Variants in LARGE1 observed in about 807,000 individuals in gnomAD.
LARGE1 encodes the protein xylosyl- and glucuronyltransferase LARGE1.
Under a neutral mutation model 87.6 loss-of-function variants are expected in LARGE1, and 43 were observed. The observed-to-expected ratio is 0.49, with a 90% CI of 0.38 to 0.63. LARGE1 has a LOEUF of 0.63. Among genes scored for constraint, LARGE1 ranks in the 30% least tolerant of loss-of-function variants. LARGE1 has a pLI of 0.00. For missense variants in LARGE1, 802 were observed against 1,000.2 expected (o/e 0.80, Z 2.67); for synonymous variants, 434 against 394.6 (o/e 1.10, Z -1.18).
the LARGE1 span, among the ~76,000 whole-genome samples, chr22:33,082,335 C>T: frequency 1.1e-4 from 17 of 152,208 alleles, no homozygotes; most frequent in African/African-American, 4.1e-4. Flanking sequence ...CAAGACCCTT[C>T]CGGTTGTTTA....
downstream of LARGE1, among the ~76,000 whole-genome samples, chr22:33,269,489 T>C (rs1315675857): frequency 6.6e-6 from 1 of 152,178 alleles, no homozygotes; most frequent in Non-Finnish European, 1.5e-5. Context: ...AAAAAAATGA[T>C]AAAAAGTGCA....
intron 4 of LARGE1, among the ~76,000 whole-genome samples, chr22:33,616,909 A>T (rs1375202190): frequency 6.6e-6 from 1 of 152,228 alleles, no homozygotes; most frequent in Non-Finnish European, 1.5e-5. Flanking sequence ...CAATTCTGTG[A>T]ATTTACTAAA....
chr22:33,599,101 T>C (rs143822074), intron 5 of LARGE1, among the ~76,000 whole-genome samples: 96 of 152,126 alleles, frequency 6.3e-4, no homozygotes, highest in African/African-American at 2.2e-3. Flanking sequence ...CTGTGGTCCA[T>C]ATCTTTCAAA....
At chr22:33,479,200 G>T (rs535215486) in intron 6 of LARGE1, among the ~76,000 whole-genome samples, 1 of 152,312 alleles carries the variant, frequency 6.6e-6, no homozygotes, top group Admixed American at 6.5e-5. Context: ...TATGCCTGAT[G>T]TTGCATTTAC....
At position 33,273,360 on chromosome 22, in the gene LARGE1, C is replaced by G; in HGVS notation, c.*1067G>C. 2.5e-6 allele frequency: 1 copy of G among 398,868 alleles called. No homozygotes were observed. The highest frequency in any genetic ancestry group is 4.4e-6 in the Non-Finnish European group (1 of 226,078). 24.7% of individuals were successfully genotyped at this position (398,868 alleles called of 1,614,324 possible). A position where few individuals can be genotyped will look rare whatever the true frequency, so the allele number is the denominator to read the frequency against. Reference sequence around the variant, plus strand: ...TGAAGCAGGCAAGAACCAGAGGAACCCAATCACTTTCTTCCTGTAGGTCTC... The same window carrying G: ...TGAAGCAGGCAAGAACCAGAGGAACGCAATCACTTTCTTCCTGTAGGTCTC... On this transcript the variant is annotated 3_prime_UTR_variant, in exon 15 of 15. Coordinates refer to ENST00000397394, the MANE Select transcript of LARGE1 (RefSeq NM_133642.5).
intron 11 of LARGE1, among the ~76,000 whole-genome samples, chr22:33,192,099 C>A (rs902502602): frequency 1.3e-5 from 2 of 152,158 alleles, no homozygotes; most frequent in African/African-American, 2.4e-5. Flanking sequence ...TTTAAGAAAA[C>A]TACCTTAAAA....
chr22:33,520,291 G>C (rs2071519463), intron 6 of LARGE1, among the ~76,000 whole-genome samples: 1 of 152,022 alleles, frequency 6.6e-6, no homozygotes, highest in Admixed American at 6.6e-5. Flanking sequence ...GCCCAGGCTG[G>C]TTTTGAAACC....
intron 11 of LARGE1, among the ~76,000 whole-genome samples, chr22:33,310,280 C>T (rs1387901667): frequency 6.6e-6 from 1 of 152,202 alleles, no homozygotes; most frequent in Non-Finnish European, 1.5e-5. Flanking sequence ...GAGAAGTGAC[C>T]TGTCATCCCC....
At chr22:33,746,047 G>C (rs1185175804) in intron 2 of LARGE1, among the ~76,000 whole-genome samples, 1 of 152,184 alleles carries the variant, frequency 6.6e-6, no homozygotes, top group Non-Finnish European at 1.5e-5. Flanking sequence ...AAACTTCTCT[G>C]TGCCTCTGTT....
rs907711223 is a variant in LARGE1 at position 33,630,859 on chromosome 22, T to C, written c.409-4533A>G. On this transcript the variant is annotated intron_variant, in intron 3 of 14. Transcript: ENST00000397394. ...ATTTAAAATTTTTTTTAACTATCTC[T>C]TTTTTTTTTTTGAGACGGAGTCTCA... Among the ~76,000 whole-genome samples the C allele has an allele frequency of 1.3e-3, 153 of 119,252 alleles. 1 individual carries two copies. The highest frequency in any genetic ancestry group is 1.9e-3 in the Non-Finnish European group (126 of 65,528). The allele number at this position is 119,252 out of a possible 152,430, so 78.2% of individuals were successfully genotyped here.
chr22:33,649,269 ACACTGGATAGTCT>A (rs2080717720), intron 3 of LARGE1, among the ~76,000 whole-genome samples: 1 of 152,196 alleles, frequency 6.6e-6, no homozygotes, highest in South Asian at 2.1e-4. Flanking sequence ...TTTGTTAGTG[ACACTGGATAGTCT>A]CATTGGATAG....
chr22:33,573,707 T>G (rs532428180), intron 5 of LARGE1, among the ~76,000 whole-genome samples: 1 of 152,280 alleles, frequency 6.6e-6, no homozygotes, highest in East Asian at 1.9e-4. Context: ...CACCAGTTAT[T>G]TATTAACTCA....
intron 1 of LARGE1, among the ~76,000 whole-genome samples, chr22:33,909,162 G>A (rs977882592): frequency 2.0e-5 from 3 of 152,112 alleles, no homozygotes; most frequent in African/African-American, 7.2e-5. Context: ...CTTGTGTCAC[G>A]AGTGGACTTT....
At chr22:33,805,902 A>C (rs1222826977) in intron 1 of LARGE1, among the ~76,000 whole-genome samples, 1 of 152,164 alleles carries the variant, frequency 6.6e-6, no homozygotes, top group African/African-American at 2.4e-5. Flanking sequence ...TCCCCTTGCT[A>C]CATTTTATGA....
intron 2 of LARGE1, among the ~76,000 whole-genome samples, chr22:33,721,013 A>G (rs1413545863): frequency 6.6e-6 from 1 of 152,260 alleles, no homozygotes; most frequent in Admixed American, 6.5e-5. Context: ...AAAGGAAACC[A>G]GATATTCAGA....
rs116898525 is a variant in LARGE1, at chr22:33,843,875, C to G, written c.-83+76120G>C. Among the ~76,000 whole-genome samples, 27 of 152,102 alleles carry G rather than the reference C, an allele frequency of 1.8e-4. No individual in the cohort carries two copies. In the East Asian group the frequency reaches 5.0e-3, roughly 28 times the overall value. On this transcript the variant is annotated intron_variant, in intron 1 of 14. Transcript: ENST00000397394. ...GGCGGATCACCTGAAGTCAGCAGTTCGAGACCAGGCTGCCCAACACATTAA... is the reference window on the plus strand; with the variant it reads ...GGCGGATCACCTGAAGTCAGCAGTTGGAGACCAGGCTGCCCAACACATTAA...
intron 1 of LARGE1, among the ~76,000 whole-genome samples, chr22:33,845,585 A>C (rs1019920471): frequency 1.3e-5 from 2 of 152,096 alleles, no homozygotes; most frequent in Admixed American, 1.3e-4. Context: ...TGGAATTACA[A>C]GTGTGAGCCA....
intron 9 of LARGE1, among the ~76,000 whole-genome samples, chr22:33,355,912 G>A (rs1367156325): frequency 1.3e-5 from 2 of 152,148 alleles, no homozygotes; most frequent in Non-Finnish European, 2.9e-5. Context: ...TCTTTCCTGT[G>A]TGTTGATATA....
At position 33,520,824 on chromosome 22, in the gene LARGE1, G is replaced by C. The variant is rs186272975; in HGVS notation, c.787+44024C>G. Among the ~76,000 whole-genome samples, 180 of 152,330 alleles carry C rather than the reference G, an allele frequency of 1.2e-3. 1 individual carries two copies. Among genetic ancestry groups the C allele is most frequent in the African/African-American group, 4.2e-3 (175 of 41,574 alleles). ...AAAAGAAAGCGTGGAGTGGCTCCGTGAACTGATTCCCAAAAGCTCACTTCC... is the reference window on the plus strand; with the variant it reads ...AAAAGAAAGCGTGGAGTGGCTCCGTCAACTGATTCCCAAAAGCTCACTTCC... On this transcript the variant is annotated intron_variant, in intron 6 of 14. Transcript: ENST00000397394.
Sources: allele counts gnomAD v4.1 joint callset (sites outside exome capture counted in the v4.1 genomes callset), GRCh38; gene constraint gnomAD v4.1.1; transcripts MANE v1.5; gene names NCBI Gene and HGNC (gene_info 2026-07-23, HGNC 2026-07-21).